Variants in CNTNAP5 observed in about 807,000 individuals in gnomAD.
CNTNAP5 encodes contactin associated protein family member 5, also known as contactin-associated protein-like 5.
In CNTNAP5, 72 loss-of-function variants were observed where a neutral mutation model predicts 150.2. The ratio of observed to expected loss-of-function variants is 0.48; its 90% confidence interval spans 0.40 to 0.58. The LOEUF is 0.58. Among genes scored for constraint, CNTNAP5 ranks in the 20% least tolerant of loss-of-function variants. CNTNAP5 has a pLI of 0.00. For synonymous variants in CNTNAP5, 672 were observed against 619.8 expected, an observed-to-expected ratio of 1.08 and a Z score of -1.25; for missense variants, 1,636 against 1,626.2, an observed-to-expected ratio of 1.01 and a Z score of -0.10.
At chr2:124,483,195 G>A (rs558487406) in intron 7 of CNTNAP5, among the ~76,000 whole-genome samples, 1 of 152,274 alleles carries the variant, frequency 6.6e-6, no homozygotes, top group Admixed American at 6.5e-5. Context: ...ATATTCACCA[G>A]GTTCTCAGAG....
intron 21 of CNTNAP5, among the ~76,000 whole-genome samples, chr2:124,884,051 CTG>C (rs1313833421): frequency 7.9e-5 from 12 of 151,980 alleles, no homozygotes; most frequent in Admixed American, 5.2e-4. Context: ...ATGTTCCACT[CTG>C]TGTGTATATG....
intron 3 of CNTNAP5, among the ~76,000 whole-genome samples, chr2:124,381,119 C>A (rs1278322570): frequency 6.6e-6 from 1 of 152,078 alleles, no homozygotes; most frequent in Non-Finnish European, 1.5e-5. Context: ...TGGGAACTAG[C>A]TGGGTGTGTT....
In CNTNAP5 at chr2:124,849,868, A is replaced by G. The variant is rs535030532; in HGVS notation, c.3218-15438A>G. ...TGGGATTATCTATGTCTTTATTTAA[A>G]TAATTTTCATTAAATGTTTTTATTT... On this transcript the variant is annotated intron_variant, in intron 19 of 23. Coordinates refer to ENST00000682447, the MANE Select transcript of CNTNAP5 (RefSeq NM_001367498.1). 1.3e-4 allele frequency among the ~76,000 whole-genome samples: 20 copies of G among 152,318 alleles called. No homozygotes were observed. In the East Asian group the frequency reaches 3.7e-3, roughly 28 times the overall value.
At chr2:124,298,129 C>T (rs1688487104) in intron 3 of CNTNAP5, among the ~76,000 whole-genome samples, 1 of 152,058 alleles carries the variant, frequency 6.6e-6, no homozygotes, top group Non-Finnish European at 1.5e-5. Context: ...ACTGGCACTC[C>T]CTTCTTCCTT....
intron 12 of CNTNAP5, among the ~76,000 whole-genome samples, chr2:124,627,728 A>G (rs918401045): frequency 3.3e-5 from 5 of 152,220 alleles, no homozygotes; most frequent in Non-Finnish European, 7.3e-5. Context: ...GGATGAACTG[A>G]CAGAAATAGA....
intron 19 of CNTNAP5, among the ~76,000 whole-genome samples, chr2:124,818,821 C>CA (rs2104666707): frequency 6.6e-6 from 1 of 152,296 alleles, no homozygotes; most frequent in African/African-American, 2.4e-5. Flanking sequence ...GCAGGCAGTA[C>CA]ACAATCTGGC....
chr2:124,755,204 T>TA (rs1680813930), intron 14 of CNTNAP5, among the ~76,000 whole-genome samples: 1 of 152,248 alleles, frequency 6.6e-6, no homozygotes, highest in East Asian at 1.9e-4. Context: ...CTTTTTTTTT[T>TA]ATCTTGTGGA....
At chr2:124,457,107 C>G (rs796682167) in intron 6 of CNTNAP5, among the ~76,000 whole-genome samples, 8 of 152,138 alleles carry the variant, frequency 5.3e-5, no homozygotes, top group South Asian at 2.1e-4. Context: ...GCAAAAGGAA[C>G]AGTCAACAGA....
At chr2:124,234,235 G>A (rs1686692313) in intron 2 of CNTNAP5, among the ~76,000 whole-genome samples, 1 of 152,092 alleles carries the variant, frequency 6.6e-6, no homozygotes, top group Non-Finnish European at 1.5e-5. Flanking sequence ...TCTTAGTCCT[G>A]AGCAGCAGAT....
intron 21 of CNTNAP5, among the ~76,000 whole-genome samples, chr2:124,899,104 T>C (rs921792181): frequency 6.6e-6 from 1 of 151,564 alleles, no homozygotes; most frequent in Non-Finnish European, 1.5e-5. Context: ...GACTTAGCCA[T>C]TCTACAATGT....
chr2:124,116,564 A>C lies in CNTNAP5; in HGVS notation c.82+90832A>C, dbSNP rs1237704032. Among the ~76,000 whole-genome samples the C allele has an allele frequency of 2.0e-5, 3 of 152,180 alleles. No individual in the cohort carries two copies. The East Asian group carries it at 5.8e-4, about 29-fold the overall frequency. ...CTCAACACAGACTCCCCACCTGTGC[A>C]TGAAGCACTGCACATACATTGAGCT... On this transcript the variant is annotated intron_variant, in intron 1 of 23. Transcript: ENST00000682447.
intron 1 of CNTNAP5, among the ~76,000 whole-genome samples, chr2:124,159,799 G>A (rs1197351344): frequency 6.6e-6 from 1 of 152,108 alleles, no homozygotes; most frequent in Non-Finnish European, 1.5e-5. Context: ...TCAACAAACA[G>A]CATGTCCAGC....
At chr2:124,423,652 CTTT>C (rs1187961580) in intron 4 of CNTNAP5, among the ~76,000 whole-genome samples, 3 of 41,586 alleles carry the variant, frequency 7.2e-5, no homozygotes, top group African/African-American at 3.1e-4. Context: ...GGCTAATTAA[CTTT>C]TTTTTTTTTT....
intron 13 of CNTNAP5, among the ~76,000 whole-genome samples, chr2:124,681,703 A>G (rs1304676479): frequency 6.6e-6 from 1 of 152,148 alleles, no homozygotes. Context: ...AGCTGGGACT[A>G]CAGGTGCATG....
At chr2:124,531,126 T>C (rs114624133) in intron 10 of CNTNAP5, among the ~76,000 whole-genome samples, 1 of 151,968 alleles carries the variant, frequency 6.6e-6, no homozygotes, top group African/African-American at 2.4e-5. Context: ...CTGAGGGTGA[T>C]CGAAGACAGT....
At chr2:124,495,974 T>G (rs548854002) in intron 7 of CNTNAP5, among the ~76,000 whole-genome samples, 5 of 152,178 alleles carry the variant, frequency 3.3e-5, no homozygotes, top group African/African-American at 1.2e-4. Flanking sequence ...GTCTCCCTCA[T>G]GGCACTTGGT....
At chr2:124,097,845 G>A (rs1391444453) in intron 1 of CNTNAP5, among the ~76,000 whole-genome samples, 1 of 152,088 alleles carries the variant, frequency 6.6e-6, no homozygotes, top group African/African-American at 2.4e-5. Flanking sequence ...TGGCTAACAC[G>A]GTGAAACCCC....
intron 13 of CNTNAP5, among the ~76,000 whole-genome samples, chr2:124,660,025 AG>A (rs1678549921): frequency 2.3e-5 from 1 of 43,582 alleles, no homozygotes; most frequent in Admixed American, 2.1e-4. Flanking sequence ...GGAAGAAAGG[AG>A]GAAGGAAGGA....
At chr2:124,519,788 T>A (rs1455509001) in intron 8 of CNTNAP5, among the ~76,000 whole-genome samples, 1 of 152,190 alleles carries the variant, frequency 6.6e-6, no homozygotes, top group African/African-American at 2.4e-5. Flanking sequence ...CTGTCATTCT[T>A]TTTTTCTCTA....
Sources: allele counts gnomAD v4.1 joint callset (sites outside exome capture counted in the v4.1 genomes callset), GRCh38; gene constraint gnomAD v4.1.1; transcripts MANE v1.5; gene names NCBI Gene and HGNC (gene_info 2026-07-23, HGNC 2026-07-21).